CTIF: variants seen among roughly 807,000 people sequenced by gnomAD.
CTIF encodes cap binding complex dependent translation initiation factor.
In CTIF, 21 loss-of-function variants were observed where a neutral mutation model predicts 66.0. The observed-to-expected ratio is 0.32, with a 90% CI of 0.23 to 0.46. The LOEUF (loss-of-function observed/expected upper bound fraction) is 0.46. CTIF is among the 20% of genes least tolerant of loss of function. The pLI is 1.00. For synonymous variants in CTIF, 345 were observed against 326.4 expected (o/e 1.06, Z -0.62); for missense variants, 739 against 812.7 (o/e 0.91, Z 1.10).
intron 11 of CTIF, among the ~76,000 whole-genome samples, chr18:48,858,966 CT>C (rs1477023447): frequency 2.0e-5 from 3 of 152,194 alleles, no homozygotes; most frequent in Admixed American, 6.5e-5. Context: ...ACAGGGCCCC[CT>C]GATCACCAAG....
At chr18:48,749,515 T>C (rs970102656) in intron 7 of CTIF, among the ~76,000 whole-genome samples, 55 of 152,222 alleles carry the variant, frequency 3.6e-4, no homozygotes, top group Admixed American at 2.0e-4. Flanking sequence ...TCTTCCCATC[T>C]GTACTATGGG....
chr18:48,619,431 T>C, intron 1 of CTIF, 107 bp from the exon 2 acceptor site: 1 of 705,088 alleles, frequency 1.4e-6, no homozygotes, highest in Admixed American at 3.6e-5. Flanking sequence ...CAGAACGCCA[T>C]GATGGATAAG....
At chr18:48,649,421 G>T (rs745337598) in intron 3 of CTIF, among the ~76,000 whole-genome samples, 1 of 152,224 alleles carries the variant, frequency 6.6e-6, no homozygotes, top group African/African-American at 2.4e-5. Flanking sequence ...CATTGCTGAC[G>T]CTTGAGTAGG....
intron 2 of CTIF, among the ~76,000 whole-genome samples, chr18:48,635,436 G>T (rs2090801366): frequency 6.7e-6 from 1 of 148,444 alleles, no homozygotes; most frequent in Non-Finnish European, 1.5e-5. Flanking sequence ...CAATCCTCCA[G>T]CCTCAGCCTC....
chr18:48,575,722 G>T lies in CTIF; in HGVS notation c.-29+36410G>T, dbSNP rs140350353. Among the ~76,000 whole-genome samples, 23 of 152,334 alleles carry T rather than the reference G, an allele frequency of 1.5e-4. No homozygotes were observed. The East Asian group carries it at 4.0e-3, about 27-fold the overall frequency. ...ACCGGGGCCGTCCTAAAGCCTCCCT[G>T]CCCCGGATGCCTTTTGATGAAGGCT... On this transcript the variant is annotated intron_variant, in intron 1 of 11. Coordinates refer to ENST00000256413, the MANE Select transcript of CTIF (RefSeq NM_014772.3).
intron 6 of CTIF, among the ~76,000 whole-genome samples, chr18:48,701,543 A>G (rs1443485258): frequency 4.3e-5 from 3 of 70,302 alleles, no homozygotes; most frequent in Non-Finnish European, 8.2e-5. Context: ...CCCAGCCCCC[A>G]GTGCACACAG....
At chr18:48,670,870 G>C in intron 6 of CTIF, 126 bp downstream of exon 6, 2 of 750,974 alleles carry the variant, frequency 2.7e-6, no homozygotes, top group East Asian at 5.2e-5. Flanking sequence ...GTAACCGCCT[G>C]TATGGTAGTA....
At chr18:48,838,209 C>G (rs982196432) in intron 10 of CTIF, among the ~76,000 whole-genome samples, 3 of 152,184 alleles carry the variant, frequency 2.0e-5, no homozygotes, top group Non-Finnish European at 4.4e-5. Flanking sequence ...CTTTTTCTTC[C>G]TGCTTTTCTC....
At chr18:48,742,393 C>T (rs1485037263) in intron 7 of CTIF, among the ~76,000 whole-genome samples, 6 of 152,158 alleles carry the variant, frequency 3.9e-5, no homozygotes, top group Non-Finnish European at 8.8e-5. Flanking sequence ...CAGAGGAATC[C>T]AAACCCTTGT....
chr18:48,663,665 C>A lies in CTIF; in HGVS notation c.253-87C>A, dbSNP rs143431042. On this transcript the variant is annotated intron_variant, in intron 3 of 11. Transcript: ENST00000256413. ...ATACTCACTTGGGGGCTCACTCCAG[C>A]CCCCCAGCCCCTCAGGCCCTGGCCC... The A allele has an allele frequency of 5.4e-4, 670 of 1,239,478 alleles. 3 individuals are homozygous for A. The African/African-American group carries it at 8.9e-3, about 16-fold the overall frequency. The allele number at this position is 1,239,478 out of a possible 1,614,324, so 76.8% of individuals were successfully genotyped here.
At chr18:48,681,032 C>T (rs1465876774) in intron 6 of CTIF, among the ~76,000 whole-genome samples, 1 of 152,228 alleles carries the variant, frequency 6.6e-6, no homozygotes, top group Admixed American at 6.5e-5. Flanking sequence ...GGCTGACCCG[C>T]CGGCAGGCGG....
intron 9 of CTIF, among the ~76,000 whole-genome samples, chr18:48,803,925 A>G (rs1227776396): frequency 6.6e-6 from 1 of 152,144 alleles, no homozygotes; most frequent in Non-Finnish European, 1.5e-5. Flanking sequence ...CAAGGGAGAG[A>G]GGGGAGAGAA....
intron 7 of CTIF, among the ~76,000 whole-genome samples, chr18:48,744,230 G>A (rs2092577280): frequency 6.6e-6 from 1 of 152,152 alleles, no homozygotes; most frequent in Admixed American, 6.5e-5. Context: ...CCATCCTACG[G>A]TGAGGGGTCT....
At chr18:48,780,712 C>T (rs1277034253) in intron 9 of CTIF, among the ~76,000 whole-genome samples, 1 of 152,238 alleles carries the variant, frequency 6.6e-6, no homozygotes, top group East Asian at 1.9e-4. Flanking sequence ...TTCCCTCCTG[C>T]CGGTCCGCAC....
At chr18:48,755,244 G>C (rs180724816) in intron 7 of CTIF, among the ~76,000 whole-genome samples, 1 of 152,226 alleles carries the variant, frequency 6.6e-6, no homozygotes, top group Non-Finnish European at 1.5e-5. Flanking sequence ...AAAGAGAATG[G>C]AAGGAGCAAT....
intron 3 of CTIF, among the ~76,000 whole-genome samples, chr18:48,649,244 T>C (rs560215639): frequency 3.9e-5 from 6 of 152,214 alleles, no homozygotes; most frequent in African/African-American, 1.4e-4. Flanking sequence ...AATGGGACAC[T>C]CCCACCCAAA....
chr18:48,759,652 G>T (rs1908761599), intron 8 of CTIF, among the ~76,000 whole-genome samples: 1 of 152,204 alleles, frequency 6.6e-6, no homozygotes, highest in Non-Finnish European at 1.5e-5. Flanking sequence ...TCTGTAAAAT[G>T]GGTGTTAATA....
chr18:48,752,371 A>G (rs553578110), intron 7 of CTIF, among the ~76,000 whole-genome samples: 1 of 152,182 alleles, frequency 6.6e-6, no homozygotes, highest in African/African-American at 2.4e-5. Flanking sequence ...GGCTCTGGCA[A>G]TTACAGGGCC....
intron 7 of CTIF, among the ~76,000 whole-genome samples, chr18:48,733,471 G>T (rs1320364778): frequency 6.6e-6 from 1 of 152,154 alleles, no homozygotes; most frequent in African/African-American, 2.4e-5. Context: ...TCAGGAGTGG[G>T]GTGCTCTCAG....
Sources: allele counts gnomAD v4.1 joint callset (sites outside exome capture counted in the v4.1 genomes callset), GRCh38; gene constraint gnomAD v4.1.1; transcripts MANE v1.5; gene names NCBI Gene and HGNC (gene_info 2026-07-23, HGNC 2026-07-21).